The following SDK2 variants were observed in gnomAD, a reference collection of about 807,000 sequenced individuals.
SDK2 encodes the protein protein sidekick-2.
In SDK2, 105 loss-of-function variants were observed where a neutral mutation model predicts 253.9. The observed-to-expected ratio is 0.41, with a 90% CI of 0.35 to 0.49. SDK2 has a LOEUF of 0.49. Ranked by LOEUF, SDK2 falls within the 20% of genes least tolerant of loss-of-function variation. The probability of loss-of-function intolerance (pLI) is 0.06; values close to 1 mark genes in which losing one functional copy is unlikely to be tolerated. For missense variants in SDK2, 2,608 were observed against 3,003.0 expected (o/e 0.87, Z 3.07); for synonymous variants, 1,249 against 1,234.9 (o/e 1.01, Z -0.24).
At chr17:73,589,366 G>A (rs1051631382) in intron 1 of SDK2, among the ~76,000 whole-genome samples, 1 of 152,240 alleles carries the variant, frequency 6.6e-6, no homozygotes, top group Non-Finnish European at 1.5e-5. Context: ...TGGGAATGAG[G>A]GTGACCCTGT....
At chr17:73,351,462 C>G (rs914180573) in intron 41 of SDK2, among the ~76,000 whole-genome samples, 9 of 152,102 alleles carry the variant, frequency 5.9e-5, no homozygotes, top group Non-Finnish European at 1.2e-4. Flanking sequence ...ATAAGCATAC[C>G]TAAATCTGTG....
intron 12 of SDK2, among the ~76,000 whole-genome samples, chr17:73,430,115 G>A (rs897667406): frequency 2.0e-5 from 3 of 152,184 alleles, no homozygotes; most frequent in Non-Finnish European, 4.4e-5. Context: ...GAGGCCAGAG[G>A]GCCAAAGACT....
chr17:73,456,114 G>C, intron 3 of SDK2, 61 bp from the exon 4 acceptor site: 1 of 1,413,922 alleles, frequency 7.1e-7, no homozygotes, highest in African/African-American at 1.5e-5. Flanking sequence ...GGACTGCCCA[G>C]CTCCCAGGTT....
intron 39 of SDK2, among the ~76,000 whole-genome samples, chr17:73,358,716 A>G (rs1445482239): frequency 6.6e-6 from 1 of 151,982 alleles, no homozygotes; most frequent in African/African-American, 2.4e-5. Context: ...GGTAGGTGAT[A>G]TGATGTCCGC....
chr17:73,635,706 G>A (rs1489467292), intron 1 of SDK2, among the ~76,000 whole-genome samples: 1 of 151,640 alleles, frequency 6.6e-6, no homozygotes, highest in Non-Finnish European at 1.5e-5. Flanking sequence ...AACTTTAATT[G>A]CCTTTCTTCC....
chr17:73,368,254 G>C (rs1039368274), intron 37 of SDK2, among the ~76,000 whole-genome samples, 153 bp downstream of exon 37: 11 of 152,338 alleles, frequency 7.2e-5, no homozygotes, highest in African/African-American at 2.2e-4. Context: ...CCACTTGGGA[G>C]GGTGTCTCTG....
intron 1 of SDK2, among the ~76,000 whole-genome samples, chr17:73,598,822 C>T (rs2045796566): frequency 6.6e-6 from 1 of 152,228 alleles, no homozygotes; most frequent in Non-Finnish European, 1.5e-5. Flanking sequence ...GGGCCTGGCA[C>T]CTGTGAGCTC....
At position 73,644,114 on chromosome 17, in the gene SDK2, C is replaced by T. The variant is rs1391240494; in HGVS notation, c.-26G>A. On this transcript the variant is annotated 5_prime_UTR_variant, in exon 1 of 45. Transcript: ENST00000392650. The surrounding 1 kb of genome is among the most constrained non-coding windows in gnomAD (Gnocchi z 6.3). ...GGTGACCAGCCTGGAGAGGGGTCCTCGGGGTCTCCCTTCCCTCCGCCCTGT... is the reference window on the plus strand; with the variant it reads ...GGTGACCAGCCTGGAGAGGGGTCCTTGGGGTCTCCCTTCCCTCCGCCCTGT... 4.5e-6 allele frequency: 7 copies of T among 1,540,432 alleles called. No homozygotes were observed. The Admixed American group carries it at 9.8e-5, about 22-fold the overall frequency.
chr17:73,545,099 G>GCACACACACACA (rs58966207), intron 1 of SDK2, among the ~76,000 whole-genome samples: 5,588 of 145,730 alleles, frequency 0.038, 120 homozygotes, highest in Non-Finnish European at 0.051. Flanking sequence ...GCACGTGCAC[G>GCACACACACACA]CACACACACA....
chr17:73,509,586 T>TC (rs2063962108), intron 1 of SDK2, among the ~76,000 whole-genome samples: 1 of 144,730 alleles, frequency 6.9e-6, no homozygotes, highest in African/African-American at 2.6e-5. Context: ...GGCCAGGAGT[T>TC]CAATACCAGA....
intron 2 of SDK2, among the ~76,000 whole-genome samples, chr17:73,500,692 C>T (rs2063883719): frequency 6.8e-6 from 1 of 147,640 alleles, no homozygotes; most frequent in Non-Finnish European, 1.5e-5. Context: ...CCTCCATTCT[C>T]CTCCATCCTC....
intron 36 of SDK2, among the ~76,000 whole-genome samples, chr17:73,377,649 G>A (rs1371971086): frequency 6.9e-6 from 1 of 144,284 alleles, no homozygotes; most frequent in Non-Finnish European, 1.5e-5. Context: ...TTTTTTTTGA[G>A]ACCTCTTGGC....
chr17:73,471,142 C>G (rs1041020251), intron 3 of SDK2, among the ~76,000 whole-genome samples: 1 of 152,172 alleles, frequency 6.6e-6, no homozygotes, highest in African/African-American at 2.4e-5. Context: ...TCCCACTTCA[C>G]TCTCTGCCCC....
chr17:73,564,054 A>G (rs1008241885), intron 1 of SDK2, among the ~76,000 whole-genome samples: 2 of 152,176 alleles, frequency 1.3e-5, no homozygotes, highest in Non-Finnish European at 2.9e-5. Flanking sequence ...AACTACAGGT[A>G]TGAGCCGCTG....
At chr17:73,473,229 A>T (rs893088090) in intron 2 of SDK2, among the ~76,000 whole-genome samples, 1 of 152,206 alleles carries the variant, frequency 6.6e-6, no homozygotes, top group African/African-American at 2.4e-5. Context: ...ATTGGGGGGC[A>T]GGCGGCTGGG....
At chr17:73,498,819 G>A (rs1182270061) in intron 2 of SDK2, among the ~76,000 whole-genome samples, 1 of 152,184 alleles carries the variant, frequency 6.6e-6, no homozygotes, top group Non-Finnish European at 1.5e-5. Context: ...GGCTTAGAAA[G>A]TGCCACTGCC....
At chr17:73,460,311 G>A (rs116268117) in intron 3 of SDK2, among the ~76,000 whole-genome samples, 1,953 of 152,246 alleles carry the variant, frequency 0.013, 46 homozygotes, top group African/African-American at 0.044. Context: ...GAACAAACAC[G>A]TGCGCCCTGA....
At chr17:73,397,443 G>C (rs937804005) in intron 24 of SDK2, among the ~76,000 whole-genome samples, 5 of 152,172 alleles carry the variant, frequency 3.3e-5, no homozygotes, top group African/African-American at 1.2e-4. Flanking sequence ...GGAGAACTTG[G>C]GCGAGTGATC....
chr17:73,434,347 T>A (rs1298824300), intron 9 of SDK2, among the ~76,000 whole-genome samples: 1 of 152,228 alleles, frequency 6.6e-6, no homozygotes, highest in Non-Finnish European at 1.5e-5. Context: ...GCACTCTCCT[T>A]GCCCCATCCC....
Sources: gnomAD v4.1 joint callset for allele counts (sites outside exome capture counted in the v4.1 genomes callset) on GRCh38, gnomAD v4.1.1 for gene constraint, Gnocchi (gnomAD v3.1) non-coding constraint, MANE v1.5 for transcripts, NCBI Gene and HGNC (gene_info 2026-07-23, HGNC 2026-07-21) for gene names.